The following PLXDC1 variants were observed in gnomAD, a reference collection of about 807,000 sequenced individuals.
PLXDC1 encodes the protein plexin domain-containing protein 1.
A neutral mutation model predicts 61.3 loss-of-function variants in PLXDC1; 39 were observed. That is an observed-to-expected ratio of 0.64 (90% CI 0.49 to 0.83). The LOEUF is 0.83. Ranked by LOEUF, PLXDC1 falls within the 40% of genes least tolerant of loss-of-function variation. The pLI is 0.00. For synonymous variants in PLXDC1, 212 were observed against 254.5 expected, an observed-to-expected ratio of 0.83 and a Z score of 1.59; for missense variants, 596 against 666.5, an observed-to-expected ratio of 0.89 and a Z score of 1.17.
At chr17:39,132,210 G>A (rs1597658041) in intron 2 of PLXDC1, among the ~76,000 whole-genome samples, 1 of 152,108 alleles carries the variant, frequency 6.6e-6, no homozygotes, top group Non-Finnish European at 1.5e-5. Context: ...GTAGAATTTT[G>A]AAATCCTCAA....
At chr17:39,132,381 C>T (rs538621752) in intron 2 of PLXDC1, among the ~76,000 whole-genome samples, 3 of 152,144 alleles carry the variant, frequency 2.0e-5, no homozygotes, top group Non-Finnish European at 2.9e-5. Flanking sequence ...CTCCTGCTCC[C>T]GTCCCCGAAA....
In PLXDC1 at chr17:39,136,785, C is replaced by T. The variant is rs144661719; in HGVS notation, c.255+2869G>A. On this transcript the variant is annotated intron_variant, in intron 2 of 13. Transcript: ENST00000315392. ...AAAGAGCTCTTAGAAATTAACAATA[C>T]GATAGTAGAGAAAAAAATCAGTGAC... 1.8e-3 allele frequency among the ~76,000 whole-genome samples: 268 copies of T among 151,756 alleles called. 2 individuals are homozygous for T. The highest frequency in any genetic ancestry group is 5.6e-3 in the African/African-American group (231 of 41,358).
At chr17:39,101,995 GGAA>G (rs1598197260) in intron 7 of PLXDC1, among the ~76,000 whole-genome samples, 1 of 152,152 alleles carries the variant, frequency 6.6e-6, no homozygotes, top group African/African-American at 2.4e-5. Context: ...GGAAGGTGGA[GGAA>G]GAAGAAGCTG....
intron 11 of PLXDC1, among the ~76,000 whole-genome samples, chr17:39,076,097 A>G (rs527276038): frequency 2.0e-4 from 28 of 139,122 alleles, no homozygotes; most frequent in African/African-American, 8.3e-4. Context: ...AAAAGAAAAA[A>G]AAAAAAAGAA....
At chr17:39,117,305 T>C (rs1229307066) in intron 2 of PLXDC1, among the ~76,000 whole-genome samples, 1 of 152,164 alleles carries the variant, frequency 6.6e-6, no homozygotes, top group East Asian at 1.9e-4. Flanking sequence ...AAGCCCTAGA[T>C]GCTAAACAGC....
intron 2 of PLXDC1, among the ~76,000 whole-genome samples, chr17:39,128,087 C>CTATGTATATATATATATATA (rs1304464750): frequency 2.2e-4 from 15 of 67,236 alleles, no homozygotes; most frequent in African/African-American, 6.5e-4. Context: ...CTCTCTCTCT[C>CTATGTATATATATATATATA]TCTCTATGTG....
chr17:39,122,091 T>G (rs1289037173), intron 2 of PLXDC1, among the ~76,000 whole-genome samples: 1 of 74,790 alleles, frequency 1.3e-5, no homozygotes, highest in Admixed American at 1.7e-4. Flanking sequence ...TTCAAGACTC[T>G]GTCAAAAAAA....
chr17:39,123,433 A>G lies in PLXDC1; in HGVS notation c.256-14042T>C, dbSNP rs564347827. On this transcript the variant is annotated intron_variant, in intron 2 of 13. Coordinates refer to ENST00000315392, the MANE Select transcript of PLXDC1 (RefSeq NM_020405.5). ...TCGAACTCCTGACCTTAGGTGATCC[A>G]CCCGCCTCGGCCTCCCAAAGTGCTG... Among the ~76,000 whole-genome samples, 326 of 151,984 alleles carry G rather than the reference A, an allele frequency of 2.1e-3. 1 individual carries two copies. The highest frequency in any genetic ancestry group is 7.6e-3 in the African/African-American group (314 of 41,450).
intron 2 of PLXDC1, among the ~76,000 whole-genome samples, chr17:39,119,360 G>A (rs1911087097): frequency 6.6e-6 from 1 of 152,184 alleles, no homozygotes; most frequent in Non-Finnish European, 1.5e-5. Flanking sequence ...GATTATGAAT[G>A]TGCAAATTAC....
In PLXDC1 at chr17:39,142,052, C is replaced by T. The variant is rs532514379; in HGVS notation, c.77-2220G>A. Among the ~76,000 whole-genome samples the T allele has an allele frequency of 3.2e-4, 49 of 152,224 alleles. No homozygotes were observed. The South Asian group carries it at 6.2e-3, about 19-fold the overall frequency. On this transcript the variant is annotated intron_variant, in intron 1 of 13. Transcript: ENST00000315392. ...ATTGTTATGCGGGAACTGTCCAGTG[C>T]TCTGTAAGATGTTTAGCAGCCGCAG...
intron 1 of PLXDC1, among the ~76,000 whole-genome samples, chr17:39,141,335 T>TA (rs1159609962): frequency 6.6e-6 from 1 of 152,246 alleles, no homozygotes; most frequent in Non-Finnish European, 1.5e-5. Flanking sequence ...GCGCAGCCTG[T>TA]ATCTATGATT....
At chr17:39,082,318 C>T (rs988045270) in intron 9 of PLXDC1, among the ~76,000 whole-genome samples, 12 of 152,048 alleles carry the variant, frequency 7.9e-5, no homozygotes, top group African/African-American at 2.4e-4. Flanking sequence ...TTGGGAAGGC[C>T]GAGATAGATG....
intron 2 of PLXDC1, among the ~76,000 whole-genome samples, chr17:39,126,299 A>G (rs1911310068): frequency 6.6e-6 from 1 of 152,102 alleles, no homozygotes; most frequent in Non-Finnish European, 1.5e-5. Flanking sequence ...AAGAGTGTGC[A>G]TGTGAATTAC....
chr17:39,107,694 C>T (rs1203223159), intron 5 of PLXDC1, 169 bp from the exon 6 acceptor site: 1 of 650,694 alleles, frequency 1.5e-6, no homozygotes, highest in Non-Finnish European at 2.8e-6. Context: ...AGCAGCGCGG[C>T]TTCCAAGCAG....
chr17:39,084,889 T>C (rs1909687242), intron 8 of PLXDC1, among the ~76,000 whole-genome samples: 1 of 152,174 alleles, frequency 6.6e-6, no homozygotes, highest in African/African-American at 2.4e-5. Context: ...TGCTACTCAC[T>C]TGAATGAACC....
rs577650659 is a variant in PLXDC1, at chr17:39,063,680, T to C, written c.*4160A>G. 15 of 561,124 alleles carry C rather than the reference T, an allele frequency of 2.7e-5. No individual in the cohort carries two copies. The South Asian group carries it at 3.5e-4, about 13-fold the overall frequency. 34.8% of individuals were successfully genotyped at this position (561,124 alleles called of 1,614,324 possible). ...ATGCAGAGAGTTTACACTAAACACA[T>C]GAATACATTGTGTTTTAGAAGGCTG... On this transcript the variant is annotated 3_prime_UTR_variant, in exon 14 of 14. Transcript: ENST00000315392.
chr17:39,080,860 G>A (rs1464756799), intron 9 of PLXDC1: 1 of 152,506 alleles, frequency 6.6e-6, no homozygotes, highest in African/African-American at 2.4e-5. Flanking sequence ...TGTTGAGGAG[G>A]GCTCAACCCT....
At position 39,065,024 on chromosome 17, in the gene PLXDC1, T is replaced by C. The variant is rs1270686669; in HGVS notation, c.*2816A>G. 1 of 152,176 alleles carries C rather than the reference T, an allele frequency of 6.6e-6. No individual in the cohort carries two copies. The highest frequency in any genetic ancestry group is 6.5e-5 in the Admixed American group (1 of 15,268). 9.4% of individuals were successfully genotyped at this position (152,176 alleles called of 1,614,324 possible). A position where few individuals can be genotyped will look rare whatever the true frequency, so the allele number is the denominator to read the frequency against. On this transcript the variant is annotated 3_prime_UTR_variant, in exon 14 of 14. Transcript: ENST00000315392. ...CCAACTCTAGCACACGTTTTCCCAC[T>C]GGGAGCTCGGCCAACCATTTTGGAT...
chr17:39,077,220 TA>T (rs1466901995), intron 11 of PLXDC1, among the ~76,000 whole-genome samples: 1 of 152,064 alleles, frequency 6.6e-6, no homozygotes, highest in Non-Finnish European at 1.5e-5. Context: ...CAGACATAGC[TA>T]CAGAATCCTG....
Sources: allele counts gnomAD v4.1 joint callset (sites outside exome capture counted in the v4.1 genomes callset), GRCh38; gene constraint gnomAD v4.1.1; transcripts MANE v1.5; gene names NCBI Gene and HGNC (gene_info 2026-07-23, HGNC 2026-07-21).